Variants in LRP1B observed in about 807,000 individuals in gnomAD.
LRP1B encodes the protein LDL receptor related protein 1B.
Under a neutral mutation model 556.6 loss-of-function variants are expected in LRP1B, and 217 were observed. That is an observed-to-expected ratio of 0.39 (90% CI 0.35 to 0.44). LRP1B has a LOEUF of 0.44. LRP1B is among the 20% of genes least tolerant of loss of function. The pLI is 1.00. For missense variants in LRP1B, 5,053 were observed against 5,620.8 expected, an observed-to-expected ratio of 0.90 and a Z score of 3.23; for synonymous variants, 2,047 against 1,865.8, an observed-to-expected ratio of 1.10 and a Z score of -2.50.
At chr2:141,263,049 T>C (rs536584843) in intron 3 of LRP1B, among the ~76,000 whole-genome samples, 6 of 152,030 alleles carry the variant, frequency 3.9e-5, no homozygotes, top group Admixed American at 6.5e-5. Flanking sequence ...GCATTTATTT[T>C]TAATTTTTTA....
chr2:141,307,836 G>C (rs953915004), intron 3 of LRP1B, among the ~76,000 whole-genome samples: 1 of 152,188 alleles, frequency 6.6e-6, no homozygotes, highest in Non-Finnish European at 1.5e-5. Context: ...ATTGGCAGCA[G>C]TGGGCCAAGT....
At chr2:141,005,252 A>T in intron 15 of LRP1B, 83 bp downstream of exon 15, 1 of 1,458,844 alleles carries the variant, frequency 6.9e-7, no homozygotes, top group South Asian at 1.4e-5. Context: ...TCCAAGTGTC[A>T]TTTTAATTCC....
intron 84 of LRP1B, among the ~76,000 whole-genome samples, chr2:140,287,466 C>T (rs1683193165): frequency 6.6e-6 from 1 of 151,596 alleles, no homozygotes; most frequent in Admixed American, 6.6e-5. Flanking sequence ...TTGTTTCTGC[C>T]AATAAGTTGA....
chr2:141,563,798 C>T (rs1686241801), intron 2 of LRP1B, among the ~76,000 whole-genome samples: 1 of 151,970 alleles, frequency 6.6e-6, no homozygotes, highest in Non-Finnish European at 1.5e-5. Context: ...AGTATGTTCT[C>T]ACTTATAAAT....
intron 1 of LRP1B, among the ~76,000 whole-genome samples, chr2:142,108,266 A>G (rs1706828546): frequency 6.6e-6 from 1 of 152,040 alleles, no homozygotes; most frequent in African/African-American, 2.4e-5. Context: ...TTAGAGCTCT[A>G]CCGTTATGCT....
chr2:140,291,344 G>T (rs1488258881), intron 84 of LRP1B, among the ~76,000 whole-genome samples: 1 of 78,216 alleles, frequency 1.3e-5, no homozygotes, highest in Admixed American at 1.7e-4. Flanking sequence ...AAGTTCTAGG[G>T]TATATGTGCA....
At chr2:142,088,974 C>CAAAA (rs1289382985) in intron 1 of LRP1B, among the ~76,000 whole-genome samples, 18 of 39,026 alleles carry the variant, frequency 4.6e-4, no homozygotes, top group South Asian at 1.2e-3. Flanking sequence ...GGCTCCGTCT[C>CAAAA]AAAAAAAAAA....
At chr2:141,070,307 G>A (rs1282840057) in intron 7 of LRP1B, among the ~76,000 whole-genome samples, 3 of 149,974 alleles carry the variant, frequency 2.0e-5, no homozygotes, top group Non-Finnish European at 4.4e-5. Flanking sequence ...TGAAACCAAC[G>A]AGAACAAAGA....
chr2:141,786,467 T>C (rs1313246266), intron 2 of LRP1B, among the ~76,000 whole-genome samples: 1 of 151,982 alleles, frequency 6.6e-6, no homozygotes, highest in Admixed American at 6.6e-5. Flanking sequence ...TGAGATTGAT[T>C]TTTGTATATT....
At chr2:141,630,938 C>T (rs1297742871) in intron 2 of LRP1B, among the ~76,000 whole-genome samples, 1 of 152,150 alleles carries the variant, frequency 6.6e-6, no homozygotes, top group Non-Finnish European at 1.5e-5. Flanking sequence ...TATTACAGTA[C>T]TCTCCTTTTC....
intron 25 of LRP1B, among the ~76,000 whole-genome samples, chr2:140,883,000 AC>A (rs1355915477): frequency 2.6e-5 from 4 of 152,206 alleles, no homozygotes; most frequent in Admixed American, 6.5e-5. Flanking sequence ...AAGCATTCTC[AC>A]CTATCAGTTG....
At chr2:142,016,852 A>ATG (rs1703153272) in intron 1 of LRP1B, among the ~76,000 whole-genome samples, 4 of 116,458 alleles carry the variant, frequency 3.4e-5, no homozygotes, top group Non-Finnish European at 7.6e-5. Context: ...ATATATGTAT[A>ATG]TATATACACA....
In LRP1B at chr2:140,837,472, A is replaced by G. The variant is rs569404299; in HGVS notation, c.5209+2519T>C. 3.6e-4 allele frequency among the ~76,000 whole-genome samples: 55 copies of G among 152,330 alleles called. 1 individual carries two copies. Among genetic ancestry groups the G allele is most frequent in the African/African-American group, 1.0e-3 (43 of 41,584 alleles). On this transcript the variant is annotated intron_variant, in intron 31 of 90. Transcript: ENST00000389484. ...AAGGTATAGTCAGTTATGCTAAAAT[A>G]GTATGTCTTGTACAAATTAAAACTT...
chr2:142,078,173 G>C (rs1705579891), intron 1 of LRP1B, among the ~76,000 whole-genome samples: 1 of 151,982 alleles, frequency 6.6e-6, no homozygotes, highest in Non-Finnish European at 1.5e-5. Context: ...CTGGTGCTTG[G>C]GGCTCTCTAC....
intron 1 of LRP1B, among the ~76,000 whole-genome samples, chr2:142,053,665 G>A (rs1704553095): frequency 6.6e-6 from 1 of 152,044 alleles, no homozygotes; most frequent in East Asian, 1.9e-4. Context: ...ATTTATACAT[G>A]GAAAATTCAT....
intron 2 of LRP1B, among the ~76,000 whole-genome samples, chr2:141,680,578 G>GA (rs1426133705): frequency 6.6e-6 from 1 of 152,084 alleles, no homozygotes; most frequent in Non-Finnish European, 1.5e-5. Context: ...TACAGATGCA[G>GA]AAAAAATATT....
In LRP1B at chr2:140,982,237, C is replaced by T; in HGVS notation, c.2810G>A (p.Gly937Glu). The T allele has an allele frequency of 6.2e-7, 1 of 1,613,300 alleles. No homozygotes were observed. The highest frequency in any genetic ancestry group is 8.5e-7 in the Non-Finnish European group (1 of 1,179,546). Residue 937 changes from glycine (G) to glutamate (E), a missense_variant, in exon 18 of 91, where the codon GGG (glycine) becomes GAG (glutamate). Physicochemically the swap from Gly to Glu is moderately conservative, Grantham distance 98. Coordinates refer to ENST00000389484, the MANE Select transcript of LRP1B (RefSeq NM_018557.3). ...CQVDQFSCGN[G>E]RCIPRAWLCD... is the part of the protein sequence containing the mutation. ...CAGCCATGCTCTGGGAATGCAACGC[C>T]CATTTCCGCAAGAAAACTGGTCTAC...
chr2:141,639,655 T>C (rs1689258698), intron 2 of LRP1B, among the ~76,000 whole-genome samples: 1 of 151,962 alleles, frequency 6.6e-6, no homozygotes, highest in Non-Finnish European at 1.5e-5. Context: ...TTTATCTCAC[T>C]GGATTGTCTG....
intron 1 of LRP1B, among the ~76,000 whole-genome samples, chr2:141,977,650 A>G (rs1344557760): frequency 6.6e-6 from 1 of 152,138 alleles, no homozygotes; most frequent in Non-Finnish European, 1.5e-5. Flanking sequence ...GTTGTTGATG[A>G]TGGGTTTGGA....
Sources: allele counts gnomAD v4.1 joint callset (sites outside exome capture counted in the v4.1 genomes callset), GRCh38; gene constraint gnomAD v4.1.1; transcripts MANE v1.5; gene names NCBI Gene and HGNC (gene_info 2026-07-23, HGNC 2026-07-21).